KCNH7: variants seen among roughly 807,000 people sequenced by gnomAD.
KCNH7 encodes voltage-gated inwardly rectifying potassium channel KCNH7.
KCNH7 carries 49 observed loss-of-function variants against 120.8 expected under a neutral mutation model. The ratio of observed to expected loss-of-function variants is 0.41; its 90% CI spans 0.32 to 0.51. The LOEUF (loss-of-function observed/expected upper bound fraction) is 0.51, where lower values mean the gene tolerates loss of function less well. Ranked by LOEUF, KCNH7 falls within the 20% of genes least tolerant of loss-of-function variation. The pLI, the probability that KCNH7 is intolerant of heterozygous loss-of-function variation, is 0.38. For missense variants in KCNH7, 1,097 were observed against 1,446.6 expected, an observed-to-expected ratio of 0.76 and a Z score of 3.92; for synonymous variants, 547 against 516.1, an observed-to-expected ratio of 1.06 and a Z score of -0.81.
At chr2:162,460,688 T>A (rs1689118360) in intron 6 of KCNH7, among the ~76,000 whole-genome samples, 1 of 152,190 alleles carries the variant, frequency 6.6e-6, no homozygotes, top group Admixed American at 6.5e-5. Flanking sequence ...GCTGACACCT[T>A]GACCTTGAAT....
intron 7 of KCNH7, among the ~76,000 whole-genome samples, chr2:162,438,621 C>T (rs1350390616): frequency 6.6e-6 from 1 of 152,126 alleles, no homozygotes; most frequent in Non-Finnish European, 1.5e-5. Flanking sequence ...TTGACTTCAA[C>T]AGTCAAAGCT....
intron 2 of KCNH7, among the ~76,000 whole-genome samples, chr2:162,640,396 A>G (rs1222746747): frequency 6.6e-6 from 1 of 152,128 alleles, no homozygotes; most frequent in Non-Finnish European, 1.5e-5. Context: ...ATAGACCCAC[A>G]TAAATATGCC....
At chr2:162,539,549 T>G (rs1401048881) in intron 2 of KCNH7, among the ~76,000 whole-genome samples, 1 of 152,096 alleles carries the variant, frequency 6.6e-6, no homozygotes, top group African/African-American at 2.4e-5. Context: ...GAAAATTTAC[T>G]GTCTAAATCA....
intron 2 of KCNH7, among the ~76,000 whole-genome samples, chr2:162,621,366 C>G (rs1333001052): frequency 7.0e-6 from 1 of 143,300 alleles, no homozygotes; most frequent in African/African-American, 2.6e-5. Context: ...AACACAATGA[C>G]TTGCTTCTCA....
chr2:162,387,749 G>C (rs1006280420), intron 12 of KCNH7, among the ~76,000 whole-genome samples: 3 of 151,668 alleles, frequency 2.0e-5, no homozygotes, highest in Admixed American at 2.0e-4. Context: ...GTGTCTCTCT[G>C]AGTTTAGAAT....
intron 2 of KCNH7, among the ~76,000 whole-genome samples, chr2:162,699,790 A>C (rs1218415757): frequency 3.9e-5 from 6 of 152,082 alleles, no homozygotes; most frequent in African/African-American, 7.2e-5. Context: ...TAATGTTCTA[A>C]AGAAAATGGG....
chr2:162,698,493 A>T (rs1367511407), intron 2 of KCNH7, among the ~76,000 whole-genome samples: 3 of 151,258 alleles, frequency 2.0e-5, no homozygotes, highest in East Asian at 3.9e-4. Flanking sequence ...TATGCCATTT[A>T]AAAAAAAGGT....
chr2:162,474,661 T>C (rs1689673814), intron 6 of KCNH7, among the ~76,000 whole-genome samples: 1 of 152,094 alleles, frequency 6.6e-6, no homozygotes, highest in African/African-American at 2.4e-5. Context: ...TGCACTCTCA[T>C]ACTCTCTCTT....
intron 2 of KCNH7, among the ~76,000 whole-genome samples, chr2:162,622,057 T>C (rs144316332): frequency 6.6e-6 from 1 of 152,352 alleles, no homozygotes; most frequent in East Asian, 1.9e-4. Context: ...AATGAGAACA[T>C]TCTGTTCTAT....
intron 9 of KCNH7, among the ~76,000 whole-genome samples, chr2:162,408,041 A>G (rs1316143913): frequency 1.3e-5 from 2 of 152,054 alleles, no homozygotes; most frequent in African/African-American, 4.8e-5. Flanking sequence ...CAAATTTGAA[A>G]GCAGAGACAA....
intron 3 of KCNH7, among the ~76,000 whole-genome samples, chr2:162,527,107 T>C (rs1036742534): frequency 6.6e-6 from 1 of 151,940 alleles, no homozygotes; most frequent in Non-Finnish European, 1.5e-5. Context: ...AGATACGATG[T>C]TCAAATCCTG....
At chr2:162,707,727 A>G (rs1686765169) in intron 2 of KCNH7, among the ~76,000 whole-genome samples, 1 of 152,108 alleles carries the variant, frequency 6.6e-6, no homozygotes, top group African/African-American at 2.4e-5. Flanking sequence ...AGGGAAGGAT[A>G]CAGTAGAAGT....
chr2:162,456,907 G>A (rs964758908), intron 6 of KCNH7, among the ~76,000 whole-genome samples: 3 of 151,822 alleles, frequency 2.0e-5, no homozygotes, highest in Non-Finnish European at 4.4e-5. Context: ...TAAGACAATA[G>A]GTTATTTAGT....
intron 2 of KCNH7, among the ~76,000 whole-genome samples, chr2:162,665,246 C>A (rs1685094029): frequency 1.3e-5 from 2 of 151,976 alleles, no homozygotes; most frequent in Admixed American, 6.6e-5. Context: ...TGTCAAATTG[C>A]AATTTGTATT....
intron 2 of KCNH7, among the ~76,000 whole-genome samples, chr2:162,614,417 A>G (rs1683073509): frequency 6.6e-6 from 1 of 152,010 alleles, no homozygotes; most frequent in Admixed American, 6.6e-5. Context: ...ATGTACCAGA[A>G]TCATCAGAGT....
In KCNH7 at chr2:162,517,907, A is replaced by T. The variant is rs1216384308; in HGVS notation, c.715T>A (p.Ser239Thr). 1.2e-6 allele frequency: 2 copies of T among 1,612,242 alleles called. No individual in the cohort carries two copies. Among genetic ancestry groups the T allele is most frequent in the East Asian group, 4.5e-5 (2 of 44,776 alleles). ...AGTCGGTCCCATTGCCTTTTGGGAGAGGAATGGTCAAGAGGTCCGGATATA... is the reference window on the plus strand; with the variant it reads ...AGTCGGTCCCATTGCCTTTTGGGAGTGGAATGGTCAAGAGGTCCGGATATA... ...VNISGPLDHS[S>T]PKRQWDRLYP... is the part of the protein sequence containing the mutation. Residue 239 changes from serine (S) to threonine (T), a missense_variant, in exon 4 of 16, where the codon TCT (serine) becomes ACT (threonine). Coordinates refer to ENST00000332142, the MANE Select transcript of KCNH7 (RefSeq NM_033272.4).
chr2:162,410,099 C>A (rs1687340120), intron 9 of KCNH7, among the ~76,000 whole-genome samples: 1 of 151,838 alleles, frequency 6.6e-6, no homozygotes, highest in African/African-American at 2.4e-5. Context: ...CATATGAAAC[C>A]AGAAATACTC....
intron 2 of KCNH7, among the ~76,000 whole-genome samples, chr2:162,677,446 T>A (rs1317014121): frequency 6.6e-6 from 1 of 151,436 alleles, no homozygotes. Flanking sequence ...CCTCAGATAC[T>A]CTTTTGTGCC....
chr2:162,475,881 A>C (rs1220564775), intron 6 of KCNH7, among the ~76,000 whole-genome samples: 1 of 152,150 alleles, frequency 6.6e-6, no homozygotes, highest in Non-Finnish European at 1.5e-5. Context: ...AAAATTTCCC[A>C]TGGGGGACAA....
Sources: allele counts gnomAD v4.1 joint callset (sites outside exome capture counted in the v4.1 genomes callset), GRCh38; gene constraint gnomAD v4.1.1; transcripts MANE v1.5; gene names NCBI Gene and HGNC (gene_info 2026-07-23, HGNC 2026-07-21).